The following CMSS1 variants were observed in gnomAD, a reference collection of about 807,000 sequenced individuals.
The protein encoded by CMSS1 is protein CMSS1.
CMSS1 carries 33 observed loss-of-function variants against 43.5 expected under a neutral mutation model. The ratio of observed to expected loss-of-function variants is 0.76; its 90% CI spans 0.57 to 1.01. The LOEUF (loss-of-function observed/expected upper bound fraction) is 1.01, where lower values mean the gene tolerates loss of function less well. Ranked by LOEUF, CMSS1 falls within the 50% of genes least tolerant of loss-of-function variation. The pLI, the probability that CMSS1 is intolerant of heterozygous loss-of-function variation, is 0.00. For missense variants in CMSS1, 313 were observed against 326.4 expected, an observed-to-expected ratio of 0.96 and a Z score of 0.32; for synonymous variants, 115 against 117.2, an observed-to-expected ratio of 0.98 and a Z score of 0.12.
chr3:100,092,325 G>A (rs1045721438), intron 1 of CMSS1, among the ~76,000 whole-genome samples: 4 of 152,006 alleles, frequency 2.6e-5, no homozygotes, highest in East Asian at 1.9e-4. Context: ...TAGATTTCCC[G>A]TCATAGCATA....
chr3:99,850,744 G>T lies in CMSS1; in HGVS notation c.64+32701G>T, dbSNP rs369472685. 4 of 1,614,008 alleles carry T rather than the reference G, an allele frequency of 2.5e-6. No individual in the cohort carries two copies. The African/African-American group carries it at 5.3e-5, about 22-fold the overall frequency. On this transcript the variant is annotated intron_variant, in intron 1 of 9. Coordinates refer to ENST00000421999, the MANE Select transcript of CMSS1 (RefSeq NM_032359.4). ...TTGACTGTCCTCATTGGTGAGCTTC[G>T]CCATAATTGTGTCTTGGTCTTGGTG...
chr3:100,021,631 A>G (rs528108293), intron 1 of CMSS1, among the ~76,000 whole-genome samples: 2 of 152,292 alleles, frequency 1.3e-5, no homozygotes, highest in East Asian at 1.9e-4. Context: ...ATAGAGCACT[A>G]CTTTGAACAA....
chr3:99,910,878 C>T (rs1402560611), intron 1 of CMSS1, among the ~76,000 whole-genome samples: 16 of 152,066 alleles, frequency 1.1e-4, no homozygotes. Flanking sequence ...AAACAATGGC[C>T]AAAGGCAGTT....
At chr3:99,827,513 CT>C (rs1942557747) in intron 1 of CMSS1, among the ~76,000 whole-genome samples, 1 of 151,724 alleles carries the variant, frequency 6.6e-6, no homozygotes, top group African/African-American at 2.4e-5. Context: ...ACTTTGAAGA[CT>C]TTTGTCTTAA....
chr3:99,935,586 C>G (rs978302643), intron 1 of CMSS1, among the ~76,000 whole-genome samples: 2 of 152,192 alleles, frequency 1.3e-5, no homozygotes. Flanking sequence ...GAACAAGGAC[C>G]AAGGATTGTT....
chr3:100,151,346 C>A (rs2066906366), intron 2 of CMSS1, among the ~76,000 whole-genome samples: 1 of 152,200 alleles, frequency 6.6e-6, no homozygotes, highest in Non-Finnish European at 1.5e-5. Context: ...CATGGCTTAA[C>A]TCAGTGCCTC....
intron 1 of CMSS1, among the ~76,000 whole-genome samples, chr3:99,897,096 C>T (rs763649059): frequency 2.6e-5 from 4 of 152,086 alleles, no homozygotes; most frequent in Non-Finnish European, 4.4e-5. Flanking sequence ...TGGTGGCTCA[C>T]GCCTGTAATC....
At chr3:99,889,395 C>A (rs1415457504) in intron 1 of CMSS1, among the ~76,000 whole-genome samples, 2 of 151,978 alleles carry the variant, frequency 1.3e-5, no homozygotes, top group Non-Finnish European at 2.9e-5. Context: ...GCTATATAAT[C>A]TTTCTTTTAA....
chr3:100,125,146 T>C (rs891273780), intron 1 of CMSS1, among the ~76,000 whole-genome samples: 2 of 152,218 alleles, frequency 1.3e-5, no homozygotes, highest in Non-Finnish European at 2.9e-5. Flanking sequence ...TGCACCATTC[T>C]AGCCACACCA....
intron 1 of CMSS1, among the ~76,000 whole-genome samples, chr3:99,914,711 AT>A (rs1706898425): frequency 1.3e-5 from 2 of 152,268 alleles, no homozygotes; most frequent in Non-Finnish European, 2.9e-5. Context: ...AATTTCACAT[AT>A]AAGAATTCTA....
intron 1 of CMSS1, among the ~76,000 whole-genome samples, chr3:100,139,833 TATAA>T (rs945087455): frequency 2.0e-5 from 3 of 150,580 alleles, no homozygotes; most frequent in African/African-American, 7.3e-5. Context: ...GACAAGTTTC[TATAA>T]ATAAAGTTCA....
chr3:100,014,341 C>A (rs115066757), intron 1 of CMSS1, among the ~76,000 whole-genome samples: 2 of 152,112 alleles, frequency 1.3e-5, no homozygotes, highest in South Asian at 2.1e-4. Flanking sequence ...TATTTCATTT[C>A]TTTTGGCTAT....
At chr3:99,924,408 A>G (rs962591413) in intron 1 of CMSS1, 5 of 1,613,508 alleles carry the variant, frequency 3.1e-6, no homozygotes, top group East Asian at 4.5e-5. Context: ...ACTTTGTCCA[A>G]CTACGAAAGA....
At position 99,818,046 on chromosome 3, in the gene CMSS1, A is replaced by G; in HGVS notation, c.64+3A>G. ...GACTGGAGCAGGCAGCAGCCCAGGT[A>G]CCCACTCTGTGCCCGCGCTCCTACG... On this transcript the variant is annotated splice_donor_region_variant and intron_variant, in intron 1 of 9. Transcript: ENST00000421999. 1 of 1,613,358 alleles carries G rather than the reference A, an allele frequency of 6.2e-7. No homozygotes were observed. The highest frequency in any genetic ancestry group is 8.5e-7 in the Non-Finnish European group (1 of 1,179,824).
chr3:100,167,785 TC>T lies in CMSS1; in HGVS notation c.464del (p.Ser155TrpfsTer3). The stretch of plus-strand genomic sequence containing the variant: ...TAGGAAGAACCACAGTGAGAAGAAA[TC>T]GGTCCTGATGCTGATCATCTGCAGC... ...KLRKNHSEKKSVLMLIICSSA... is the reference protein window; with the variant it reads ...KLRKNHSEKKXVLMLIICSSA... On this transcript the variant is annotated frameshift_variant, in exon 6 of 10. Transcript: ENST00000421999. LOFTEE classifies it high-confidence loss of function. 6.2e-7 allele frequency: 1 copy of T among 1,613,462 alleles called. No individual in the cohort carries two copies. Among genetic ancestry groups the T allele is most frequent in the Non-Finnish European group, 8.5e-7 (1 of 1,179,818 alleles).
intron 1 of CMSS1, among the ~76,000 whole-genome samples, chr3:99,831,572 GAC>G (rs1942670910): frequency 6.6e-6 from 1 of 152,322 alleles, no homozygotes; most frequent in Middle Eastern, 3.4e-3. Context: ...TGAAGTCAGT[GAC>G]AGACTAATCA....
intron 1 of CMSS1, chr3:100,023,353 C>T (rs1171729232): frequency 1.3e-5 from 2 of 152,564 alleles, no homozygotes; most frequent in Non-Finnish European, 2.9e-5. Flanking sequence ...GTCTGAAAGT[C>T]AAACATGGAT....
chr3:99,947,137 C>CAA (rs397829321), intron 1 of CMSS1, among the ~76,000 whole-genome samples: 55,630 of 88,532 alleles, frequency 0.63, 18,016 homozygotes, highest in African/African-American at 0.75. Flanking sequence ...GACTCTGTCT[C>CAA]AAAAAAAAAA....
intron 1 of CMSS1, among the ~76,000 whole-genome samples, chr3:100,083,658 T>A (rs1245334718): frequency 1.3e-5 from 2 of 152,254 alleles, no homozygotes; most frequent in African/African-American, 4.8e-5. Flanking sequence ...AGTGTCATAT[T>A]TTTTAAAGTG....
Sources: gnomAD v4.1 joint callset for allele counts (sites outside exome capture counted in the v4.1 genomes callset) on GRCh38, gnomAD v4.1.1 for gene constraint, MANE v1.5 for transcripts, NCBI Gene and HGNC (gene_info 2026-07-23, HGNC 2026-07-21) for gene names.